The following RPS6KA2 variants were observed in gnomAD, a reference collection of about 807,000 sequenced individuals.
The protein encoded by RPS6KA2 is ribosomal protein S6 kinase alpha-2.
Under a neutral mutation model 91.8 loss-of-function variants are expected in RPS6KA2, and 42 were observed. The observed-to-expected ratio is 0.46, with a 90% CI of 0.36 to 0.59. RPS6KA2 has a LOEUF of 0.59. RPS6KA2 is among the 20% of genes least tolerant of loss of function. RPS6KA2 has a pLI of 0.00. For missense variants in RPS6KA2, 798 were observed against 978.5 expected (o/e 0.82, Z 2.46); for synonymous variants, 414 against 393.6 (o/e 1.05, Z -0.61).
At chr6:166,750,421 C>G (rs1247490306) in intron 2 of RPS6KA2, among the ~76,000 whole-genome samples, 1 of 152,144 alleles carries the variant, frequency 6.6e-6, no homozygotes, top group East Asian at 1.9e-4. Context: ...CTCCCTCAGC[C>G]CCTCTTGACC....
chr6:166,839,602 A>G (rs1182042005), intron 2 of RPS6KA2, among the ~76,000 whole-genome samples: 1 of 143,852 alleles, frequency 7.0e-6, no homozygotes, highest in Admixed American at 7.0e-5. Context: ...TTGGAATAGT[A>G]TGGTTCACCA....
intron 16 of RPS6KA2, among the ~76,000 whole-genome samples, chr6:166,426,199 A>G (rs1163500833): frequency 6.6e-6 from 1 of 151,954 alleles, no homozygotes; most frequent in Non-Finnish European, 1.5e-5. Flanking sequence ...CTCCTGAATG[A>G]CTACTGGGTA....
rs1055561248 is a variant in RPS6KA2 at position 166,563,977 on chromosome 6, T to C, written c.100-25193A>G. Among the ~76,000 whole-genome samples the C allele has an allele frequency of 6.6e-6, 1 of 152,166 alleles. No individual in the cohort carries two copies. The highest frequency in any genetic ancestry group is 1.5e-5 in the Non-Finnish European group (1 of 68,038). ...GCATGAAGAAATGGCAGATGTCAGA[T>C]GTCAGCGCTGCCAATGTTTCAGCAC... On this transcript the variant is annotated intron_variant, in intron 1 of 20. Coordinates refer to ENST00000265678, the MANE Select transcript of RPS6KA2 (RefSeq NM_021135.6). The surrounding 1 kb of genome is among the most constrained non-coding windows in gnomAD (Gnocchi z 4.1).
intron 5 of RPS6KA2, among the ~76,000 whole-genome samples, chr6:166,507,542 G>GCA (rs1257183132): frequency 6.8e-6 from 1 of 146,520 alleles, no homozygotes; most frequent in Non-Finnish European, 1.5e-5. Flanking sequence ...ACCACATATA[G>GCA]CACACACACA....
rs1440908318 is a variant in RPS6KA2 at position 166,770,601 on chromosome 6, C to A, written c.123+87599G>T. Among the ~76,000 whole-genome samples the A allele has an allele frequency of 6.6e-6, 1 of 152,178 alleles. No homozygotes were observed. Among genetic ancestry groups the A allele is most frequent in the Non-Finnish European group, 1.5e-5 (1 of 68,036 alleles). ...ATCATAATGCATGGCAAGATGACAT[C>A]CTCAGTTTAGCACGCAAGGCAGCCC... On this transcript the variant is annotated intron_variant, in intron 2 of 21. Transcript: ENST00000503859. This position sits in a 1 kb window ranked among gnomAD's most constrained non-coding sequence, Gnocchi z 5.1.
At chr6:166,719,070 A>G (rs9295367) in intron 2 of RPS6KA2, among the ~76,000 whole-genome samples, 128,449 of 152,190 alleles carry the variant, frequency 0.84, 54,735 homozygotes, top group East Asian at 0.96. Flanking sequence ...TTGGGGCCAC[A>G]CAACCTCTGT....
chr6:166,666,805 A>G lies in RPS6KA2; in HGVS notation c.124-128021T>C, dbSNP rs777084829. ...AAGAATGGAAAGCAGAGCCTCAAAGAGACATTTGTACACTCACATTCATAG... is the reference window on the plus strand; with the variant it reads ...AAGAATGGAAAGCAGAGCCTCAAAGGGACATTTGTACACTCACATTCATAG... On this transcript the variant is annotated intron_variant, in intron 2 of 21. Transcript: ENST00000503859. The surrounding 1 kb of genome is among the most constrained non-coding windows in gnomAD (Gnocchi z 4.0). Among the ~76,000 whole-genome samples the G allele has an allele frequency of 7.0e-4, 106 of 152,354 alleles. No individual in the cohort carries two copies. The highest frequency in any genetic ancestry group is 1.2e-3 in the Non-Finnish European group (85 of 68,028).
chr6:166,427,113 G>C (rs1465417216), intron 16 of RPS6KA2, among the ~76,000 whole-genome samples: 1 of 152,066 alleles, frequency 6.6e-6, no homozygotes, highest in Non-Finnish European at 1.5e-5. Context: ...ATGATCAAGT[G>C]GGCTTCATCC....
At chr6:166,803,540 C>T (rs187869759) in intron 2 of RPS6KA2, among the ~76,000 whole-genome samples, 2 of 152,316 alleles carry the variant, frequency 1.3e-5, no homozygotes, top group East Asian at 1.9e-4. Context: ...CCGGAAATCC[C>T]GTGTCAGGAG....
Position 166,816,391 on chromosome 6 carries a change from C to CAA in RPS6KA2, c.123+41807_123+41808dup, listed in dbSNP as rs61347721. Among the ~76,000 whole-genome samples the CAA allele has an allele frequency of 6.3e-4, 76 of 120,074 alleles. 2 individuals carry two copies. Among genetic ancestry groups the CAA allele is most frequent in the Admixed American group, 1.4e-3 (16 of 11,312 alleles). 78.8% of individuals were successfully genotyped at this position (120,074 alleles called of 152,430 possible). On this transcript the variant is annotated intron_variant, in intron 2 of 21. Transcript: ENST00000503859. ...TGAAACCCCGTCTCTACTAAAAATA[C>CAA]AAAAAAAAAAAAAAATAGCTGGGTG...
intron 2 of RPS6KA2, among the ~76,000 whole-genome samples, chr6:166,735,848 C>T (rs558164365): frequency 3.3e-5 from 5 of 152,152 alleles, no homozygotes; most frequent in Admixed American, 6.5e-5. Flanking sequence ...GGTCTGTGGC[C>T]GAGGGGTTGA....
At chr6:166,806,453 G>T (rs1483572079) in intron 2 of RPS6KA2, among the ~76,000 whole-genome samples, 1 of 152,190 alleles carries the variant, frequency 6.6e-6, no homozygotes, top group African/African-American at 2.4e-5. Context: ...TTGGTGGCCA[G>T]AAGGCAGCGA....
chr6:166,798,769 C>A (rs1170882729), intron 2 of RPS6KA2, among the ~76,000 whole-genome samples: 3 of 152,222 alleles, frequency 2.0e-5, no homozygotes, highest in Admixed American at 6.5e-5. Context: ...CAATCTCCTG[C>A]CCCCTTCTCC....
At chr6:166,414,783 G>T (rs1446051316) in intron 19 of RPS6KA2, among the ~76,000 whole-genome samples, 1 of 152,218 alleles carries the variant, frequency 6.6e-6, no homozygotes, top group Admixed American at 6.5e-5. Flanking sequence ...ATTAGAATGC[G>T]GCTGGGCGCG....
intron 12 of RPS6KA2, among the ~76,000 whole-genome samples, chr6:166,457,744 C>G (rs1185591240): frequency 6.6e-6 from 1 of 152,214 alleles, no homozygotes; most frequent in African/African-American, 2.4e-5. Context: ...TCTGCACACG[C>G]TCACACCCTC....
intron 2 of RPS6KA2, among the ~76,000 whole-genome samples, chr6:166,824,645 C>G (rs1354872030): frequency 6.8e-6 from 1 of 147,652 alleles, no homozygotes; most frequent in African/African-American, 2.5e-5. Flanking sequence ...GTCTGTATGT[C>G]TGTGTGTGTG....
chr6:166,507,625 C>G (rs1782287322), intron 5 of RPS6KA2, among the ~76,000 whole-genome samples: 4 of 151,384 alleles, frequency 2.6e-5, no homozygotes, highest in Admixed American at 1.3e-4. Flanking sequence ...ACCACACACC[C>G]CACACATAGC....
chr6:166,552,171 TAC>T (rs1477184456), intron 1 of RPS6KA2, among the ~76,000 whole-genome samples: 2 of 152,202 alleles, frequency 1.3e-5, no homozygotes, highest in Non-Finnish European at 2.9e-5. Flanking sequence ...ATGGATTAAA[TAC>T]AGTCTCAATT....
intron 1 of RPS6KA2, among the ~76,000 whole-genome samples, chr6:166,604,188 G>A (rs1785853096): frequency 6.6e-6 from 1 of 152,180 alleles, no homozygotes; most frequent in Non-Finnish European, 1.5e-5. Context: ...GGACAGCTCT[G>A]CATGGAGATG....
Sources: gnomAD v4.1 joint callset for allele counts (sites outside exome capture counted in the v4.1 genomes callset) on GRCh38, gnomAD v4.1.1 for gene constraint, Gnocchi (gnomAD v3.1) non-coding constraint, MANE v1.5 for transcripts, NCBI Gene and HGNC (gene_info 2026-07-23, HGNC 2026-07-21) for gene names.